TEX15: variants seen among roughly 807,000 people sequenced by gnomAD.
TEX15 encodes the protein testis-expressed protein 15.
Under a neutral mutation model 237.3 loss-of-function variants are expected in TEX15, and 171 were observed. The observed-to-expected ratio is 0.72, with a 90% CI of 0.64 to 0.82. The LOEUF is 0.82. TEX15 is among the 40% of genes least tolerant of loss of function. TEX15 has a pLI of 0.00. For missense variants in TEX15, 3,750 were observed against 3,646.5 expected (o/e 1.03, Z -0.73); for synonymous variants, 1,338 against 1,269.8 (o/e 1.05, Z -1.14).
In TEX15 at chr8:30,831,579, C is replaced by T. The variant is rs1259170429; in HGVS notation, c.*1707G>A. 1 of 151,888 alleles carries T rather than the reference C, an allele frequency of 6.6e-6. No individual in the cohort carries two copies. Among genetic ancestry groups the T allele is most frequent in the Non-Finnish European group, 1.5e-5 (1 of 67,998 alleles). The allele number at this position is 151,888 out of a possible 1,614,324, so 9.4% of individuals were successfully genotyped here. ...AATATTCCATGTTTTAATATTCTGTCACGTACAGATTTTTTAAAAATGTAA... is the reference window on the plus strand; with the variant it reads ...AATATTCCATGTTTTAATATTCTGTTACGTACAGATTTTTTAAAAATGTAA... On this transcript the variant is annotated 3_prime_UTR_variant, in exon 11 of 11. Coordinates refer to ENST00000643185, the MANE Select transcript of TEX15 (RefSeq NM_001350162.2).
At chr8:30,909,171 T>A (rs530406602) in intron 1 of TEX15, among the ~76,000 whole-genome samples, 1 of 152,098 alleles carries the variant, frequency 6.6e-6, no homozygotes, top group South Asian at 2.1e-4. Flanking sequence ...TATTAATCAT[T>A]ATCCTAAAAA....
At chr8:30,899,944 G>A (rs1445592893) in intron 1 of TEX15, among the ~76,000 whole-genome samples, 1 of 151,992 alleles carries the variant, frequency 6.6e-6, no homozygotes, top group Non-Finnish European at 1.5e-5. Flanking sequence ...TCTCTATATG[G>A]TACTAATTAA....
intron 3 of TEX15, among the ~76,000 whole-genome samples, chr8:30,878,840 A>G (rs188984672): frequency 6.6e-6 from 1 of 152,280 alleles, no homozygotes; most frequent in East Asian, 1.9e-4. Flanking sequence ...TTTAGTTTTT[A>G]AAGATGATGC....
chr8:30,892,035 T>G (rs1808804835), intron 2 of TEX15, among the ~76,000 whole-genome samples: 1 of 152,226 alleles, frequency 6.6e-6, no homozygotes. Flanking sequence ...CTTTATATTT[T>G]GTGCTTTCAT....
chr8:30,879,927 C>CTTTT (rs55942711), intron 3 of TEX15, among the ~76,000 whole-genome samples: 2 of 136,844 alleles, frequency 1.5e-5, no homozygotes, highest in East Asian at 2.0e-4. Context: ...TTTAGATTTC[C>CTTTT]TTTTTTTTTT....
At chr8:30,841,893 G>T in intron 8 of TEX15, 111 bp downstream of exon 8, 1 of 674,980 alleles carries the variant, frequency 1.5e-6, no homozygotes, top group Non-Finnish European at 2.4e-6. Context: ...CATTTTGCCA[G>T]ACAATTTACC....
rs1261673651 is a variant in TEX15 at position 30,845,501 on chromosome 8, A to T, written c.4666T>A (p.Tyr1556Asn). The T allele has an allele frequency of 1.9e-6, 3 of 1,613,572 alleles. No individual in the cohort carries two copies. Among genetic ancestry groups the T allele is most frequent in the Non-Finnish European group, 2.5e-6 (3 of 1,179,576 alleles). ...TCTGAGTGGTCTGGGGAAAACAGAT[A>T]TGCAGTTTTTCCAGAAAAGGGCTGA... ...EHQPFSGKTAYLFSPDHSDEK... is the reference protein window; with the variant it reads ...EHQPFSGKTANLFSPDHSDEK... The change falls in exon 8 of 11, where the codon TAT becomes AAT. Residue 1556 changes from tyrosine to asparagine, a missense_variant. Coordinates refer to ENST00000643185, the MANE Select transcript of TEX15 (RefSeq NM_001350162.2).
intron 4 of TEX15, among the ~76,000 whole-genome samples, chr8:30,874,351 A>C (rs1233430703): frequency 6.6e-6 from 1 of 152,220 alleles, no homozygotes; most frequent in Non-Finnish European, 1.5e-5. Context: ...GCTTACACAA[A>C]ATCTATACCT....
At chr8:30,899,051 A>G (rs1396876223) in intron 1 of TEX15, among the ~76,000 whole-genome samples, 1 of 151,444 alleles carries the variant, frequency 6.6e-6, no homozygotes, top group Non-Finnish European at 1.5e-5. Flanking sequence ...TTTCTCAATA[A>G]GCTTTTCTCT....
At chr8:30,887,900 A>T (rs60509175) in intron 2 of TEX15, 2 of 48,028 alleles carry the variant, frequency 4.2e-5, no homozygotes, top group Non-Finnish European at 6.9e-5. Flanking sequence ...ATATATATAT[A>T]TATATATATA....
chr8:30,895,500 G>T (rs934172047), intron 2 of TEX15, among the ~76,000 whole-genome samples: 1 of 151,440 alleles, frequency 6.6e-6, no homozygotes, highest in African/African-American at 2.4e-5. Flanking sequence ...TGGACTTAAA[G>T]AATGTTGCTG....
At position 30,848,907 on chromosome 8, in the gene TEX15, A is replaced by G; in HGVS notation, c.1260T>C (p.Thr420=). 1.2e-6 allele frequency: 2 copies of G among 1,614,158 alleles called. No homozygotes were observed. Among genetic ancestry groups the G allele is most frequent in the East Asian group, 4.5e-5 (2 of 44,868 alleles). ...LNASFPLHNN[T]GSSTVTTSKS... is the part of the protein sequence containing the mutation. ...TTGAAGTAGTGACTGTGCTTGAGCC[A>G]GTATTGTTGTGAAGAGGAAAAGAAG... The change falls in exon 8 of 11, where the codon ACT becomes ACC. Residue 420 remains threonine, a synonymous_variant. Transcript: ENST00000643185.
intron 7 of TEX15, among the ~76,000 whole-genome samples, chr8:30,856,996 T>C (rs1016222603): frequency 3.3e-5 from 5 of 152,222 alleles, no homozygotes; most frequent in Non-Finnish European, 5.9e-5. Flanking sequence ...GGATCAGTTA[T>C]ATAGGTATTA....
chr8:30,861,665 T>A (rs538846130), intron 5 of TEX15, among the ~76,000 whole-genome samples: 1 of 152,286 alleles, frequency 6.6e-6, no homozygotes, highest in South Asian at 2.1e-4. Flanking sequence ...GTGCATTATA[T>A]ATAAGAGCTC....
chr8:30,879,127 CTTT>C lies in TEX15; in HGVS notation c.137-4028_137-4026del, dbSNP rs556866592. Among the ~76,000 whole-genome samples the C allele has an allele frequency of 3.4e-5, 5 of 146,012 alleles. No homozygotes were observed. The East Asian group carries it at 6.0e-4, about 17-fold the overall frequency. On this transcript the variant is annotated intron_variant, in intron 3 of 10. Coordinates refer to ENST00000643185, the MANE Select transcript of TEX15 (RefSeq NM_001350162.2). ...TTTTCTTGTTTTCTAACTGGATTGC[CTTT>C]TTTTTTTTACCTACTGAACTTTGAA...
chr8:30,870,056 A>C (rs323371), intron 4 of TEX15, among the ~76,000 whole-genome samples: 35,693 of 151,880 alleles, frequency 0.24, 6,187 homozygotes, highest in African/African-American at 0.48. Context: ...ACTTTAAGCT[A>C]TGGGGTGGAA....
intron 7 of TEX15, among the ~76,000 whole-genome samples, chr8:30,855,238 C>A (rs1287976302): frequency 2.0e-5 from 3 of 152,096 alleles, no homozygotes; most frequent in Non-Finnish European, 2.9e-5. Flanking sequence ...ACGAGTTCAG[C>A]AAGACTGCAG....
At chr8:30,839,430 TA>T (rs11350429) in intron 9 of TEX15, among the ~76,000 whole-genome samples, 34,357 of 149,670 alleles carry the variant, frequency 0.23, 5,580 homozygotes, top group African/African-American at 0.45. Context: ...ATGCACAAGT[TA>T]AAAAAAAAAG....
At chr8:30,852,572 ATGACAAT>A (rs1365683886) in intron 7 of TEX15, among the ~76,000 whole-genome samples, 1 of 152,164 alleles carries the variant, frequency 6.6e-6, no homozygotes. Context: ...TTCTCATCAA[ATGACAAT>A]TAAAAATTGC....
Sources: gnomAD v4.1 joint callset for allele counts (sites outside exome capture counted in the v4.1 genomes callset) on GRCh38, gnomAD v4.1.1 for gene constraint, MANE v1.5 for transcripts, NCBI Gene and HGNC (gene_info 2026-07-23, HGNC 2026-07-21) for gene names.